Variants in LTBP1 observed in about 807,000 individuals in gnomAD.
LTBP1 encodes latent transforming growth factor beta binding protein 1.
A neutral mutation model predicts 207.6 loss-of-function variants in LTBP1; 129 were observed. The ratio of observed to expected loss-of-function variants is 0.62; its 90% CI spans 0.54 to 0.72. The LOEUF (loss-of-function observed/expected upper bound fraction) is 0.72. LTBP1 is among the 30% of genes least tolerant of loss of function. The pLI is 0.00. For synonymous variants in LTBP1, 963 were observed against 833.7 expected, an observed-to-expected ratio of 1.16 and a Z score of -2.67; for missense variants, 2,281 against 2,217.2, an observed-to-expected ratio of 1.03 and a Z score of -0.58.
intron 7 of LTBP1, among the ~76,000 whole-genome samples, chr2:33,190,045 A>T (rs1396527948): frequency 2.6e-5 from 4 of 152,300 alleles, no homozygotes; most frequent in South Asian, 4.1e-4. Context: ...AGAAAAAAAA[A>T]TTCATAACTT....
intron 3 of LTBP1, among the ~76,000 whole-genome samples, chr2:33,082,162 T>G (rs1055545091): frequency 1.1e-4 from 17 of 152,122 alleles, no homozygotes; most frequent in African/African-American, 3.9e-4. Context: ...GGGTTCCTCT[T>G]AGAAGAATAA....
At chr2:33,341,729 AATATAT>A (rs56171359) in intron 24 of LTBP1, among the ~76,000 whole-genome samples, 1 of 93,636 alleles carries the variant, frequency 1.1e-5, no homozygotes, top group Non-Finnish European at 1.9e-5. Flanking sequence ...AAAAAAAAAA[AATATAT>A]ATATATATAT....
At chr2:33,042,921 C>A (rs1332056790) in intron 3 of LTBP1, among the ~76,000 whole-genome samples, 1 of 152,188 alleles carries the variant, frequency 6.6e-6, no homozygotes, top group Non-Finnish European at 1.5e-5. Context: ...GACTTGCAGG[C>A]CTTGTGCCAT....
intron 26 of LTBP1, among the ~76,000 whole-genome samples, chr2:33,353,280 C>T (rs984497723): frequency 6.6e-6 from 1 of 152,098 alleles, no homozygotes; most frequent in African/African-American, 2.4e-5. Context: ...TGCCCGTCTT[C>T]TTGTTGGCCT....
intron 3 of LTBP1, among the ~76,000 whole-genome samples, chr2:33,087,279 G>A (rs144264613): frequency 1.3e-5 from 2 of 151,914 alleles, no homozygotes; most frequent in African/African-American, 4.8e-5. Flanking sequence ...TGTCTCCCAG[G>A]CTAATCTTGA....
At chr2:33,135,619 TTTAAG>T (rs1397902942) in intron 5 of LTBP1, among the ~76,000 whole-genome samples, 1 of 152,234 alleles carries the variant, frequency 6.6e-6, no homozygotes, top group Non-Finnish European at 1.5e-5. Flanking sequence ...TCAGTACTCC[TTTAAG>T]TTAATTTAAA....
Position 33,110,695 on chromosome 2 carries a change from C to G in LTBP1, c.977C>G (p.Thr326Ser), listed in dbSNP as rs766289918. The change falls in exon 4 of 34, where the codon ACT becomes AGT. Residue 326 changes from threonine (T) to serine (S), a missense_variant. Thr to Ser is a moderately conservative substitution (Grantham distance 58). Transcript: ENST00000404816. ...AQKGISGEQS[T>S]EGSFPLRYVQ... ...AAGGGGATTTCAGGAGAGCAGTCCA[C>G]TGAAGGTTCTTTCCCTTTAAGATAT... The G allele has an allele frequency of 5.6e-6, 9 of 1,614,232 alleles. 1 individual carries two copies. Among genetic ancestry groups the G allele is most frequent in the South Asian group, 4.4e-5 (4 of 91,084 alleles).
At chr2:32,980,500 CCTG>C (rs1259259013) in intron 2 of LTBP1, among the ~76,000 whole-genome samples, 1 of 152,064 alleles carries the variant, frequency 6.6e-6, no homozygotes, top group African/African-American at 2.4e-5. Flanking sequence ...ACTTTATCTA[CCTG>C]CTTTTTAACT....
chr2:33,229,497 A>G (rs2091663445), intron 9 of LTBP1, among the ~76,000 whole-genome samples: 1 of 152,094 alleles, frequency 6.6e-6, no homozygotes, highest in Non-Finnish European at 1.5e-5. Flanking sequence ...GGAAGGGAGG[A>G]AGGAAGGAGA....
rs768892327 is a variant in LTBP1 at position 33,222,231 on chromosome 2, G to A, written c.1876+80G>A. On this transcript the variant is annotated intron_variant, in intron 9 of 33. Transcript: ENST00000404816. ...AAACTTCAGTTGTTTGCCACGGCTTGCTCATTCGCCCAGCCTGTCACAGTG... is the reference window on the plus strand; with the variant it reads ...AAACTTCAGTTGTTTGCCACGGCTTACTCATTCGCCCAGCCTGTCACAGTG... 5.2e-5 allele frequency: 51 copies of A among 986,794 alleles called. No homozygotes were observed. In the East Asian group the frequency reaches 1.2e-3, roughly 23 times the overall value. 61.1% of individuals were successfully genotyped at this position (986,794 alleles called of 1,614,324 possible).
chr2:33,234,753 C>T (rs1343778029), intron 9 of LTBP1, among the ~76,000 whole-genome samples: 5 of 152,084 alleles, frequency 3.3e-5, no homozygotes, highest in African/African-American at 7.2e-5. Flanking sequence ...AAAAAGAGCC[C>T]GTATAACCAA....
intron 25 of LTBP1, among the ~76,000 whole-genome samples, chr2:33,344,687 G>A (rs2094678092): frequency 6.6e-6 from 1 of 152,120 alleles, no homozygotes; most frequent in African/African-American, 2.4e-5. Context: ...AACCTTTGGG[G>A]GAATAATTTA....
chr2:33,346,108 A>T (rs1573946292), intron 25 of LTBP1, among the ~76,000 whole-genome samples: 2 of 152,364 alleles, frequency 1.3e-5, no homozygotes, highest in East Asian at 3.9e-4. Context: ...GAAATTACAC[A>T]GTGGAACATC....
intron 3 of LTBP1, 109 bp from the exon 4 acceptor site, chr2:33,110,473 T>A: frequency 1.0e-6 from 1 of 984,080 alleles, no homozygotes; most frequent in South Asian, 1.8e-5. Context: ...GAGCCTTGCT[T>A]GGAATTGATG....
intron 10 of LTBP1, 124 bp from the exon 11 acceptor site, chr2:33,252,553 C>G: frequency 1.1e-6 from 1 of 890,468 alleles, no homozygotes; most frequent in Non-Finnish European, 1.6e-6. Context: ...TGCTCTAAAT[C>G]TAGACAGATT....
rs753356922 is a variant in LTBP1, at chr2:33,262,809, C to T, written c.2506C>T (p.Pro836Ser). ...SPGISTIHLHPQFPVVIEKTS... is the reference protein window; with the variant it reads ...SPGISTIHLHSQFPVVIEKTS... ...AGGCATTTCCACTATTCATCTGCAT[C>T]CACAGTTTCCAGGTAGCCTGTGTTG... Residue 836 changes from proline to serine, a missense_variant, in exon 14 of 34, where the codon CCA becomes TCA. Physicochemically the swap from Pro to Ser is moderately conservative, Grantham distance 74. Around this residue, in one of 3 missense-constraint regions of LTBP1, gnomAD observed 1,671 missense variants for 1,634.8 expected, o/e 1.02. Transcript: ENST00000404816. The T allele has an allele frequency of 2.6e-5, 42 of 1,606,180 alleles. No homozygotes were observed. The highest frequency in any genetic ancestry group is 3.4e-5 in the Non-Finnish European group (40 of 1,175,090).
intron 4 of LTBP1, among the ~76,000 whole-genome samples, chr2:33,127,613 G>T (rs2081512849): frequency 6.6e-6 from 1 of 152,206 alleles, no homozygotes; most frequent in Non-Finnish European, 1.5e-5. Context: ...ATTTGTTATA[G>T]ATAGAAAAGG....
chr2:33,102,393 G>C (rs1366896317), intron 3 of LTBP1, among the ~76,000 whole-genome samples: 4 of 152,136 alleles, frequency 2.6e-5, no homozygotes, highest in Non-Finnish European at 5.9e-5. Context: ...TCCAGACATT[G>C]CCAAGTGTCC....
chr2:33,142,120 C>T (rs1287657270), intron 5 of LTBP1, among the ~76,000 whole-genome samples: 4 of 152,048 alleles, frequency 2.6e-5, no homozygotes, highest in South Asian at 4.1e-4. Flanking sequence ...GGCGGGATCT[C>T]GGCTCACTGC....
Sources: allele counts gnomAD v4.1 joint callset (sites outside exome capture counted in the v4.1 genomes callset), GRCh38; gene constraint gnomAD v4.1.1; regional missense constraint gnomAD v4.1.1; transcripts MANE v1.5; gene names NCBI Gene and HGNC (gene_info 2026-07-23, HGNC 2026-07-21).